The following ZC3H11A variants were observed in gnomAD, a reference collection of about 807,000 sequenced individuals.
ZC3H11A encodes the protein zinc finger CCCH domain-containing protein 11A.
In ZC3H11A, 22 loss-of-function variants were observed where a neutral mutation model predicts 90.8. The observed-to-expected ratio is 0.24, with a 90% CI of 0.17 to 0.35. The LOEUF is 0.35. Among genes scored for constraint, ZC3H11A ranks in the 10% least tolerant of loss-of-function variants. ZC3H11A has a pLI of 1.00. For synonymous variants in ZC3H11A, 294 were observed against 339.8 expected (o/e 0.87, Z 1.48); for missense variants, 701 against 964.9 (o/e 0.73, Z 3.62).
chr1:203,832,135 C>T (rs1160973108), intron 9 of ZC3H11A, among the ~76,000 whole-genome samples: 1 of 152,074 alleles, frequency 6.6e-6, no homozygotes, highest in Non-Finnish European at 1.5e-5. Context: ...CTCAGCTCAC[C>T]GCAGCCTCCG....
At chr1:203,840,402 A>T in intron 12 of ZC3H11A, 28 bp downstream of exon 12, 1 of 1,598,828 alleles carries the variant, frequency 6.3e-7, no homozygotes, top group South Asian at 1.1e-5. Context: ...CCAGATTCTG[A>T]TTATTTTTTT....
At chr1:203,834,355 T>C (rs972970386) in intron 10 of ZC3H11A, among the ~76,000 whole-genome samples, 5 of 152,158 alleles carry the variant, frequency 3.3e-5, no homozygotes, top group African/African-American at 9.7e-5. Context: ...CACTGCAACC[T>C]CCACCTCCTG....
intron 2 of ZC3H11A, among the ~76,000 whole-genome samples, chr1:203,814,705 A>T (rs1300500474): frequency 6.6e-6 from 1 of 152,206 alleles, no homozygotes; most frequent in Non-Finnish European, 1.5e-5. Flanking sequence ...ATGACCCAAT[A>T]ACAAAGCTGC....
chr1:203,846,160 T>TTG lies in ZC3H11A; in HGVS notation c.1043-1024_1043-1023insTG, dbSNP rs1553270782. On this transcript the variant is annotated intron_variant, in intron 12 of 17. Transcript: ENST00000367210. The stretch of plus-strand genomic sequence containing the variant: ...AGATTTTGAAAAGATATAATTTTTT[T>TTG]GGGGGGGGGGTTCATTAAAAGCTGT... Among the ~76,000 whole-genome samples the TTG allele has an allele frequency of 8.2e-3, 1,077 of 132,028 alleles. 21 individuals are homozygous for TTG. Among genetic ancestry groups the TTG allele is most frequent in the African/African-American group, 0.028 (1,029 of 36,566 alleles). The allele number at this position is 132,028 out of a possible 152,430, so 86.6% of individuals were successfully genotyped here. A position where few individuals can be genotyped will look rare whatever the true frequency, so the allele number is the denominator to read the frequency against.
chr1:203,813,834 C>G, intron 2 of ZC3H11A, among the ~76,000 whole-genome samples: 1 of 152,042 alleles, frequency 6.6e-6, no homozygotes, highest in East Asian at 1.9e-4. Context: ...ATCACATTCC[C>G]TCTGTACATG....
chr1:203,816,837 ACT>A (rs1393019604), intron 2 of ZC3H11A, 87 bp from the exon 3 acceptor site: 24 of 437,700 alleles, frequency 5.5e-5, no homozygotes, highest in African/African-American at 4.7e-4. Flanking sequence ...ATAAAATTTG[ACT>A]CTAGCAATAC....
In ZC3H11A at chr1:203,853,726, G is replaced by A. The variant is rs1192004442; in HGVS notation, c.*1327G>A. 4 of 152,616 alleles carry A rather than the reference G, an allele frequency of 2.6e-5. No homozygotes were observed. The highest frequency in any genetic ancestry group is 9.7e-5 in the African/African-American group (4 of 41,448). The allele number at this position is 152,616 out of a possible 1,614,324, so 9.5% of individuals were successfully genotyped here. ...CTTCACGTAGCCTTGTTGGGAATATGGAAAAGGAAGAAAGCCACAGGACTG... is the reference window on the plus strand; with the variant it reads ...CTTCACGTAGCCTTGTTGGGAATATAGAAAAGGAAGAAAGCCACAGGACTG... On this transcript the variant is annotated 3_prime_UTR_variant, in exon 18 of 18. Transcript: ENST00000367210.
chr1:203,826,661 GTC>G (rs1680625149), intron 4 of ZC3H11A, among the ~76,000 whole-genome samples: 1 of 151,942 alleles, frequency 6.6e-6, no homozygotes, highest in South Asian at 2.1e-4. Context: ...TTGTTTCTCT[GTC>G]TCTCTTCTCC....
Position 203,833,789 on chromosome 1 carries a change from A to G in ZC3H11A, c.812-2A>G. On this transcript the variant is annotated splice_acceptor_variant, in intron 9 of 17. Transcript: ENST00000367210. LOFTEE classifies it high-confidence loss of function. ...AGAGAAATTCTGCTTTTGCCATTTC[A>G]GGAGAAGAACCCTTGGTTAGATTGA... The G allele has an allele frequency of 6.2e-7, 1 of 1,605,776 alleles. No homozygotes were observed. Among genetic ancestry groups the G allele is most frequent in the Non-Finnish European group, 8.5e-7 (1 of 1,177,296 alleles).
chr1:203,852,321 G>A lies in ZC3H11A; in HGVS notation c.2355G>A (p.Leu785=), dbSNP rs147044722. ...TATGGGAGATTTCAGGAGGCAAATT[G>A]GAAGCTGAGATTGACCTGGATCCTG... is the stretch of plus-strand genomic sequence containing the variant. The part of the protein sequence containing the change: ...KLIWEISGGK[L]EAEIDLDPGK... The change falls in exon 18 of 18, where the codon TTG becomes TTA. Residue 785 remains leucine (L), a synonymous_variant. Coordinates refer to ENST00000367210, the MANE Select transcript of ZC3H11A (RefSeq NM_001376342.1). 111 of 1,613,630 alleles carry A rather than the reference G, an allele frequency of 6.9e-5. No homozygotes were observed. In the African/African-American group the frequency reaches 1.3e-3, roughly 19 times the overall value.
chr1:203,833,727 TTAG>T, intron 9 of ZC3H11A, 61 bp from the exon 10 acceptor site: 1 of 1,423,362 alleles, frequency 7.0e-7, no homozygotes, highest in Non-Finnish European at 9.7e-7. Flanking sequence ...TTTGTACCCA[TTAG>T]TAGTTACTGA....
intron 1 of ZC3H11A, chr1:203,796,096 C>G (rs1668383274): frequency 5.1e-6 from 1 of 194,332 alleles, no homozygotes; most frequent in African/African-American, 2.4e-5. Context: ...TCCCCTCCCC[C>G]ACATCCGGTG....
intron 4 of ZC3H11A, among the ~76,000 whole-genome samples, chr1:203,818,987 C>G (rs1008905028): frequency 6.6e-6 from 1 of 150,838 alleles, no homozygotes; most frequent in Non-Finnish European, 1.5e-5. Flanking sequence ...GAAAATCGCT[C>G]GAACCAGGGA....
At position 203,822,008 on chromosome 1, in the gene ZC3H11A, T is replaced by C. The variant is rs180836193; in HGVS notation, c.174+3319T>C. On this transcript the variant is annotated intron_variant, in intron 4 of 17. Transcript: ENST00000367210. ...TGCTGACCTCGTGATCCGCCCGCCT[T>C]GGCCTCCCAAAGTCCTGGGATTACA... Among the ~76,000 whole-genome samples, 226 of 152,190 alleles carry C rather than the reference T, an allele frequency of 1.5e-3. 1 individual carries two copies. The highest frequency in any genetic ancestry group is 4.1e-3 in the Admixed American group (62 of 15,286).
At chr1:203,824,893 G>A (rs1009110686) in intron 4 of ZC3H11A, among the ~76,000 whole-genome samples, 20 of 151,976 alleles carry the variant, frequency 1.3e-4, no homozygotes, top group African/African-American at 4.8e-4. Flanking sequence ...TGGACAACAT[G>A]GTGAAACCCT....
chr1:203,824,464 A>G (rs996447019), intron 4 of ZC3H11A, among the ~76,000 whole-genome samples: 3 of 152,122 alleles, frequency 2.0e-5, no homozygotes, highest in Non-Finnish European at 4.4e-5. Flanking sequence ...CATTGGTTCC[A>G]TATTTGCGAA....
chr1:203,850,759 C>A, intron 16 of ZC3H11A, 78 bp downstream of exon 16: 1 of 1,538,192 alleles, frequency 6.5e-7, no homozygotes. Context: ...CACTAGCATT[C>A]TATCTTGAGT....
intron 1 of ZC3H11A, chr1:203,797,529 G>GT: frequency 4.6e-6 from 7 of 1,511,864 alleles, no homozygotes; most frequent in Non-Finnish European, 6.1e-6. Flanking sequence ...GAGAATGAGT[G>GT]TATGTACTCT....
intron 2 of ZC3H11A, among the ~76,000 whole-genome samples, chr1:203,807,400 G>A (rs1254661797): frequency 1.3e-5 from 2 of 151,170 alleles, no homozygotes; most frequent in Non-Finnish European, 2.9e-5. Flanking sequence ...TTCCTCCAGC[G>A]TCAGCCCCCT....
Sources: gnomAD v4.1 joint callset for allele counts (sites outside exome capture counted in the v4.1 genomes callset) on GRCh38, gnomAD v4.1.1 for gene constraint, MANE v1.5 for transcripts, NCBI Gene and HGNC (gene_info 2026-07-23, HGNC 2026-07-21) for gene names.